ERBB4: variants seen among roughly 807,000 people sequenced by gnomAD.
ERBB4 encodes receptor tyrosine-protein kinase erbB-4.
A neutral mutation model predicts 158.0 loss-of-function variants in ERBB4; 42 were observed. That is an observed-to-expected ratio of 0.27 (90% confidence interval 0.21 to 0.34). The LOEUF is 0.34. Among genes scored for constraint, ERBB4 ranks in the 10% least tolerant of loss-of-function variants. The pLI is 1.00. For synonymous variants in ERBB4, 583 were observed against 558.7 expected (o/e 1.04, Z -0.61); for missense variants, 1,333 against 1,624.1 (o/e 0.82, Z 3.08).
intron 1 of ERBB4, among the ~76,000 whole-genome samples, chr2:212,434,820 G>A (rs16848553): frequency 6.6e-6 from 1 of 152,060 alleles, no homozygotes; most frequent in African/African-American, 2.4e-5. Flanking sequence ...GAAGAGCAAT[G>A]TAAATGTGCA....
intron 1 of ERBB4, among the ~76,000 whole-genome samples, chr2:212,455,174 G>A (rs1688216843): frequency 7.7e-6 from 1 of 129,674 alleles, no homozygotes; most frequent in Non-Finnish European, 1.9e-5. Context: ...AGAGACTTTT[G>A]TTTACATGAT....
chr2:211,765,627 A>G (rs2075533556), intron 4 of ERBB4, among the ~76,000 whole-genome samples: 4 of 152,174 alleles, frequency 2.6e-5, no homozygotes, highest in Admixed American at 6.5e-5. Context: ...TGTCCAGTAT[A>G]CAACTATAAG....
chr2:211,939,966 A>ATATATAT (rs1553517050), intron 3 of ERBB4, among the ~76,000 whole-genome samples: 1 of 137,386 alleles, frequency 7.3e-6, no homozygotes, highest in Non-Finnish European at 1.5e-5. Flanking sequence ...GGAAAAAAAA[A>ATATATAT]ATATATATAT....
chr2:212,199,431 A>G (rs1311662259), intron 1 of ERBB4, among the ~76,000 whole-genome samples: 1 of 152,198 alleles, frequency 6.6e-6, no homozygotes, highest in Non-Finnish European at 1.5e-5. Flanking sequence ...GATCCCCAGA[A>G]CATAACTATT....
chr2:211,763,580 C>A (rs932301361), intron 4 of ERBB4, among the ~76,000 whole-genome samples: 1 of 152,064 alleles, frequency 6.6e-6, no homozygotes, highest in Non-Finnish European at 1.5e-5. Context: ...CTTATAATAT[C>A]TGTGGTTTGG....
At chr2:211,969,423 T>C (rs560192768) in intron 2 of ERBB4, among the ~76,000 whole-genome samples, 1 of 152,200 alleles carries the variant, frequency 6.6e-6, no homozygotes, top group Admixed American at 6.5e-5. Context: ...TTATGCTAAT[T>C]GTATAGTGAA....
intron 2 of ERBB4, among the ~76,000 whole-genome samples, chr2:212,123,254 T>G (rs1456373625): frequency 6.6e-6 from 1 of 152,116 alleles, no homozygotes. Context: ...GCACAAAAAA[T>G]TAGCCGGGCG....
intron 1 of ERBB4, among the ~76,000 whole-genome samples, chr2:212,448,739 C>T (rs533849726): frequency 6.6e-6 from 1 of 152,106 alleles, no homozygotes; most frequent in African/African-American, 2.4e-5. Context: ...TATTTGAAAG[C>T]AGTTACTAAA....
At chr2:211,464,982 CT>C (rs1176092000) in intron 20 of ERBB4, among the ~76,000 whole-genome samples, 48 of 21,376 alleles carry the variant, frequency 2.2e-3, no homozygotes, top group Non-Finnish European at 3.2e-3. Context: ...TTTTTTTTTT[CT>C]TTTTTTTTTT....
chr2:211,697,486 C>G lies in ERBB4; in HGVS notation c.1489+4481G>C, dbSNP rs527743902. On this transcript the variant is annotated intron_variant, in intron 12 of 27. Transcript: ENST00000342788. ...TTAGTTTATCAAAAGACAAATTATT[C>G]AAATTACCAGTAAGAGAGGAACTTA... Among the ~76,000 whole-genome samples the G allele has an allele frequency of 2.6e-5, 4 of 151,984 alleles. No homozygotes were observed. In the East Asian group the frequency reaches 5.8e-4, roughly 22 times the overall value.
intron 2 of ERBB4, among the ~76,000 whole-genome samples, chr2:212,044,805 A>G (rs2077219960): frequency 1.3e-5 from 2 of 152,090 alleles, no homozygotes; most frequent in Admixed American, 1.3e-4. Context: ...AGAAAAAGGA[A>G]CCATAAATGA....
chr2:212,365,846 A>C (rs1231177076), intron 1 of ERBB4, among the ~76,000 whole-genome samples: 1 of 151,906 alleles, frequency 6.6e-6, no homozygotes, highest in Non-Finnish European at 1.5e-5. Context: ...CATACTGAGG[A>C]GAACAGGTTT....
rs144613040 is a variant in ERBB4 at position 212,287,398 on chromosome 2, T to C, written c.83-162495A>G. 6.8e-4 allele frequency among the ~76,000 whole-genome samples: 103 copies of C among 152,244 alleles called. 1 individual carries two copies. Among genetic ancestry groups the C allele is most frequent in the African/African-American group, 2.4e-3 (99 of 41,536 alleles). ...ATATGTAAGTATAACTTTTGATAAT[T>C]TTTGTCACAAACAGTAGTAGCCATA... On this transcript the variant is annotated intron_variant, in intron 1 of 27. Coordinates refer to ENST00000342788, the MANE Select transcript of ERBB4 (RefSeq NM_005235.3).
chr2:211,399,351 A>C (rs574736496), intron 25 of ERBB4, among the ~76,000 whole-genome samples: 1 of 152,312 alleles, frequency 6.6e-6, no homozygotes, highest in Admixed American at 6.5e-5. Context: ...GATATATTGA[A>C]TCAAAGGAGA....
chr2:211,716,981 G>T (rs775142620), intron 7 of ERBB4, among the ~76,000 whole-genome samples: 17 of 152,188 alleles, frequency 1.1e-4, no homozygotes, highest in Non-Finnish European at 2.4e-4. Flanking sequence ...GTTTGGAGTT[G>T]ACAGCTTTCA....
intron 4 of ERBB4, among the ~76,000 whole-genome samples, chr2:211,770,507 G>A (rs2075664128): frequency 6.6e-6 from 1 of 152,084 alleles, no homozygotes; most frequent in African/African-American, 2.4e-5. Flanking sequence ...TCTCATATCA[G>A]TGACATTCAG....
intron 19 of ERBB4, among the ~76,000 whole-genome samples, chr2:211,616,485 AC>A: frequency 6.6e-6 from 1 of 152,048 alleles, no homozygotes; most frequent in East Asian, 1.9e-4. Context: ...TTTCAACTCA[AC>A]CCTTAGATTC....
At chr2:211,730,247 A>G (rs1575062999) in intron 5 of ERBB4, among the ~76,000 whole-genome samples, 2 of 152,134 alleles carry the variant, frequency 1.3e-5, no homozygotes, top group Non-Finnish European at 2.9e-5. Flanking sequence ...GAAGCTTGGC[A>G]ATTTACTAAT....
chr2:212,161,841 A>G lies in ERBB4; in HGVS notation c.83-36938T>C, dbSNP rs187934402. On this transcript the variant is annotated intron_variant, in intron 1 of 27. Coordinates refer to ENST00000342788, the MANE Select transcript of ERBB4 (RefSeq NM_005235.3). ...AACGTGGTGATAAAAATATTCTCCT[A>G]TGAATTGGGACTAATTTTTATCATA... Among the ~76,000 whole-genome samples, 1,003 of 151,954 alleles carry G rather than the reference A, an allele frequency of 6.6e-3. 7 individuals carry two copies. The highest frequency in any genetic ancestry group is 0.024 in the Middle Eastern group (7 of 294).
Sources: gnomAD v4.1 joint callset for allele counts (sites outside exome capture counted in the v4.1 genomes callset) on GRCh38, gnomAD v4.1.1 for gene constraint, MANE v1.5 for transcripts, NCBI Gene and HGNC (gene_info 2026-07-23, HGNC 2026-07-21) for gene names.